The following UGT1A8 variants were observed in gnomAD, a reference collection of about 807,000 sequenced individuals.
UGT1A8 encodes UDP glucuronosyltransferase family 1 member A8, also known as UDP-glucuronosyltransferase 1A8.
In UGT1A8, 39 loss-of-function variants were observed where a neutral mutation model predicts 45.3. That is an observed-to-expected ratio of 0.86 (90% CI 0.67 to 1.12). The LOEUF (loss-of-function observed/expected upper bound fraction) is 1.12, where lower values mean the gene tolerates loss of function less well. Among genes scored for constraint, UGT1A8 ranks in the 50% most tolerant of loss-of-function variants. The pLI, the probability that UGT1A8 is intolerant of heterozygous loss-of-function variation, is 0.00. For synonymous variants in UGT1A8, 275 were observed against 249.2 expected (o/e 1.10, Z -0.97); for missense variants, 719 against 664.9 (o/e 1.08, Z -0.90).
chr2:233,697,105 G>T (rs895107296), intron 1 of UGT1A8, among the ~76,000 whole-genome samples: 9 of 152,066 alleles, frequency 5.9e-5, no homozygotes, highest in Non-Finnish European at 1.3e-4. Context: ...GATGAGTTTG[G>T]AAGTATTCTC....
In UGT1A8 at chr2:233,671,843, A is replaced by G. The variant is rs972333604; in HGVS notation, c.855+53281A>G. The G allele has an allele frequency of 4.7e-6, 7 of 1,490,848 alleles. No individual in the cohort carries two copies. In the African/African-American group the frequency reaches 7.0e-5, roughly 15 times the overall value. The allele number at this position is 1,490,848 out of a possible 1,614,324, so 92.4% of individuals were successfully genotyped here. A position where few individuals can be genotyped will look rare whatever the true frequency, so the allele number is the denominator to read the frequency against. ...ATGAAAGGATAAAAACACGCCCTCT[A>G]TTGGGGTCAGGTTTTGTGCTGGTAT... On this transcript the variant is annotated intron_variant, in intron 1 of 4. Transcript: ENST00000373450.
At chr2:233,666,983 C>A (rs564284893) in intron 1 of UGT1A8, among the ~76,000 whole-genome samples, 4 of 152,282 alleles carry the variant, frequency 2.6e-5, no homozygotes, top group South Asian at 2.1e-4. Flanking sequence ...ATGAACTCAT[C>A]ATTTTTTATG....
intron 1 of UGT1A8, among the ~76,000 whole-genome samples, chr2:233,756,863 G>A (rs956259550): frequency 6.6e-6 from 1 of 152,072 alleles, no homozygotes; most frequent in Non-Finnish European, 1.5e-5. Flanking sequence ...GGTTCATAAA[G>A]GGTATTAGGT....
intron 1 of UGT1A8, chr2:233,743,185 G>T (rs546323978): frequency 5.4e-6 from 2 of 372,628 alleles, no homozygotes; most frequent in Non-Finnish European, 1.1e-5. Flanking sequence ...ATGTGGACTG[G>T]AATTACTTGG....
intron 1 of UGT1A8, chr2:233,636,457 C>G (rs529563376): frequency 1.7e-4 from 257 of 1,544,658 alleles, no homozygotes; most frequent in Middle Eastern, 1.1e-3. Context: ...TGTGCCTGTA[C>G]TTCTTCCGCC....
intron 1 of UGT1A8, among the ~76,000 whole-genome samples, chr2:233,728,932 CTTTT>C (rs1221733039): frequency 0.032 from 4,912 of 152,202 alleles, 256 homozygotes; most frequent in African/African-American, 0.11. Context: ...CATGATCGGT[CTTTT>C]CCAGGGTGGG....
intron 1 of UGT1A8, among the ~76,000 whole-genome samples, chr2:233,726,089 C>T (rs567639330): frequency 3.9e-5 from 6 of 152,122 alleles, no homozygotes; most frequent in Non-Finnish European, 7.3e-5. Flanking sequence ...TTACTTGATC[C>T]GAGGAGGTGG....
At chr2:233,658,660 G>A (rs1290974367) in intron 1 of UGT1A8, among the ~76,000 whole-genome samples, 1 of 152,184 alleles carries the variant, frequency 6.6e-6, no homozygotes, top group African/African-American at 2.4e-5. Context: ...TAGGTTTTAG[G>A]AAGTAAGACC....
At chr2:233,663,024 A>G (rs1264403532) in intron 1 of UGT1A8, among the ~76,000 whole-genome samples, 1 of 152,186 alleles carries the variant, frequency 6.6e-6, no homozygotes, top group East Asian at 1.9e-4. Flanking sequence ...TTAGGTGCAC[A>G]GTTCAGTATC....
chr2:233,718,656 C>T, intron 1 of UGT1A8: 1 of 1,519,542 alleles, frequency 6.6e-7, no homozygotes, highest in Non-Finnish European at 8.8e-7. Flanking sequence ...TAACGAAAGG[C>T]AGTTATAGAT....
At chr2:233,760,058 T>C (rs749323547) in intron 1 of UGT1A8, among the ~76,000 whole-genome samples, 16 of 152,188 alleles carry the variant, frequency 1.1e-4, no homozygotes, top group Non-Finnish European at 2.1e-4. Context: ...CTCAAGAATG[T>C]GATTTGAGTA....
At chr2:233,772,179 C>T (rs540394959) in intron 4 of UGT1A8, 83 bp from the exon 5 acceptor site, 1 of 1,585,310 alleles carries the variant, frequency 6.3e-7, no homozygotes, top group East Asian at 2.3e-5. Context: ...ATCTGGTAGT[C>T]TTCTTAAGCA....
chr2:233,722,716 GT>G (rs1305467466), intron 1 of UGT1A8, among the ~76,000 whole-genome samples: 12 of 151,988 alleles, frequency 7.9e-5, no homozygotes, highest in Non-Finnish European at 1.5e-5. Flanking sequence ...TTAAATATCA[GT>G]TTTTAAATTT....
At chr2:233,742,415 C>A (rs1691970237) in intron 1 of UGT1A8, among the ~76,000 whole-genome samples, 1 of 151,952 alleles carries the variant, frequency 6.6e-6, no homozygotes, top group Non-Finnish European at 1.5e-5. Context: ...TTAGGAACAC[C>A]TTAAGCGGTT....
intron 1 of UGT1A8, among the ~76,000 whole-genome samples, chr2:233,724,132 C>T (rs1385895919): frequency 3.1e-4 from 38 of 120,742 alleles, no homozygotes; most frequent in South Asian, 1.8e-3. Flanking sequence ...CCTCACCTCC[C>T]GGACGGGGCG....
intron 1 of UGT1A8, among the ~76,000 whole-genome samples, chr2:233,695,649 A>G (rs2075301857): frequency 6.6e-6 from 1 of 151,872 alleles, no homozygotes; most frequent in African/African-American, 2.4e-5. Flanking sequence ...TTTTAGCTCC[A>G]CATATAAATG....
At chr2:233,676,044 A>G (rs377509485) in intron 1 of UGT1A8, among the ~76,000 whole-genome samples, 11 of 152,298 alleles carry the variant, frequency 7.2e-5, no homozygotes, top group East Asian at 5.8e-4. Flanking sequence ...TCCTTGGCCA[A>G]TTGACTAGGT....
chr2:233,756,775 T>G (rs1301399091), intron 1 of UGT1A8, among the ~76,000 whole-genome samples: 1 of 152,128 alleles, frequency 6.6e-6, no homozygotes, highest in Admixed American at 6.5e-5. Context: ...TTCTTTGCTT[T>G]GATAAATTGT....
intron 1 of UGT1A8, among the ~76,000 whole-genome samples, chr2:233,679,692 CT>C (rs1440925229): frequency 6.6e-6 from 1 of 152,112 alleles, no homozygotes; most frequent in Non-Finnish European, 1.5e-5. Flanking sequence ...TTGGCAGAGG[CT>C]GGTTCTCCTG....
Sources: allele counts gnomAD v4.1 joint callset (sites outside exome capture counted in the v4.1 genomes callset), GRCh38; gene constraint gnomAD v4.1.1; transcripts MANE v1.5; gene names NCBI Gene and HGNC (gene_info 2026-07-23, HGNC 2026-07-21).